MAP3K19: variants seen among roughly 807,000 people sequenced by gnomAD.
MAP3K19 encodes SPS1/STE20-related protein kinase YSK4.
MAP3K19 carries 91 observed loss-of-function variants against 114.4 expected under a neutral mutation model. That is an observed-to-expected ratio of 0.80 (90% CI 0.67 to 0.95). MAP3K19 has a LOEUF of 0.95. Among genes scored for constraint, MAP3K19 ranks in the 40% least tolerant of loss-of-function variants. MAP3K19 has a pLI of 0.00. For missense variants in MAP3K19, 1,471 were observed against 1,573.2 expected (o/e 0.94, Z 1.10); for synonymous variants, 518 against 530.5 (o/e 0.98, Z 0.32).
chr2:135,032,372 A>AAAAAG (rs765508585), intron 2 of MAP3K19, among the ~76,000 whole-genome samples: 1 of 145,348 alleles, frequency 6.9e-6, no homozygotes, highest in African/African-American at 2.6e-5. Context: ...AAAAAAAAAA[A>AAAAAG]AGAAAAGAAA....
At chr2:135,000,164 T>C (rs183495366) in intron 6 of MAP3K19, 149 bp from the exon 7 acceptor site, 2 of 618,592 alleles carry the variant, frequency 3.2e-6, no homozygotes, top group Middle Eastern at 2.7e-4. Context: ...CATCTTTGTA[T>C]CTTTCCTGTT....
chr2:135,042,884 C>A (rs780226875), intron 1 of MAP3K19, among the ~76,000 whole-genome samples: 2 of 152,084 alleles, frequency 1.3e-5, no homozygotes, highest in African/African-American at 4.8e-5. Context: ...GAGTTCAAGA[C>A]CAGCTGGGCC....
At chr2:135,011,482 A>C (rs1406577073) in intron 5 of MAP3K19, among the ~76,000 whole-genome samples, 1 of 148,546 alleles carries the variant, frequency 6.7e-6, no homozygotes, top group Non-Finnish European at 1.5e-5. Flanking sequence ...GCTTGCAGTG[A>C]GCCGAGATCG....
Position 134,986,135 on chromosome 2 carries a change from C to T in MAP3K19, c.2737G>A (p.Glu913Lys), listed in dbSNP as rs761864395. 4 of 1,613,938 alleles carry T rather than the reference C, an allele frequency of 2.5e-6. No homozygotes were observed. The South Asian group carries it at 4.4e-5, about 18-fold the overall frequency. Residue 913 changes from glutamate to lysine, a missense_variant, in exon 10 of 13, where the codon GAA (glutamate) becomes AAA (lysine). Coordinates refer to ENST00000392915, the MANE Select transcript of MAP3K19 (RefSeq NM_025052.5). ...LTNFSFQAKQ[E>K]SASSQTYQYW... ...TGATATGTCTGGGAAGATGCACTTT[C>T]TTGTTTTGCTTGGAAAGAGAAATTT...
intron 2 of MAP3K19, among the ~76,000 whole-genome samples, chr2:135,036,667 G>A: frequency 6.6e-6 from 1 of 150,376 alleles, no homozygotes; most frequent in South Asian, 2.1e-4. Context: ...GTGTGTGTGT[G>A]TGTGTGTGTG....
Position 134,999,452 on chromosome 2 carries a change from A to T in MAP3K19, c.315-455T>A, listed in dbSNP as rs921725627. 2.0e-5 allele frequency among the ~76,000 whole-genome samples: 3 copies of T among 152,250 alleles called. No homozygotes were observed. The highest frequency in any genetic ancestry group is 7.2e-5 in the African/African-American group (3 of 41,470). ...AAGAAAAATAAAAGACATGCAAAAA[A>T]TAAGCCTCAATTTGTTTCACTACCC... On this transcript the variant is annotated intron_variant, in intron 7 of 12. Coordinates refer to ENST00000392915, the MANE Select transcript of MAP3K19 (RefSeq NM_025052.5). This position sits in a 1 kb window ranked among gnomAD's most constrained non-coding sequence, Gnocchi z 4.1.
At chr2:135,017,996 T>C (rs1406930232) in intron 5 of MAP3K19, among the ~76,000 whole-genome samples, 1 of 152,184 alleles carries the variant, frequency 6.6e-6, no homozygotes, top group Admixed American at 6.5e-5. Flanking sequence ...CATCTTAGAA[T>C]TGATAGTAGT....
intron 11 of MAP3K19, chr2:134,983,074 T>C (rs1684817688): frequency 2.5e-6 from 1 of 399,114 alleles, no homozygotes; most frequent in Admixed American, 3.0e-5. Context: ...TTCAATCTTC[T>C]AGCTAATTGG....
At chr2:134,998,601 T>C (rs1686199274) in intron 8 of MAP3K19, 137 bp downstream of exon 8, 1 of 857,306 alleles carries the variant, frequency 1.2e-6, no homozygotes, top group African/African-American at 1.7e-5. Context: ...CCCCCAGGAA[T>C]GTAAATTACA....
chr2:135,039,198 A>G (rs1049913777), intron 2 of MAP3K19, among the ~76,000 whole-genome samples: 2 of 151,764 alleles, frequency 1.3e-5, no homozygotes, highest in African/African-American at 4.8e-5. Context: ...AAAGGAGTCA[A>G]AAAAGAAAAA....
At chr2:134,968,576 G>T (rs1336638814) in intron 12 of MAP3K19, among the ~76,000 whole-genome samples, 1 of 149,406 alleles carries the variant, frequency 6.7e-6, no homozygotes, top group African/African-American at 2.5e-5. Flanking sequence ...GGGCGGAGGG[G>T]CTCCTCACTT....
chr2:134,999,835 A>T lies in MAP3K19; in HGVS notation c.314+102T>A. ...ACTATTTATTGTGACCTCTACTTTT[A>T]AGCATTATTATGGATTCAATTACTA... On this transcript the variant is annotated intron_variant, in intron 7 of 12. Transcript: ENST00000392915. The surrounding 1 kb of genome is among the most constrained non-coding windows in gnomAD (Gnocchi z 4.1). 1.2e-6 allele frequency: 1 copy of T among 800,280 alleles called. No individual in the cohort carries two copies. Among genetic ancestry groups the T allele is most frequent in the East Asian group, 2.6e-5 (1 of 39,054 alleles). The allele number at this position is 800,280 out of a possible 1,614,324, so 49.6% of individuals were successfully genotyped here. A position where few individuals can be genotyped will look rare whatever the true frequency, so the allele number is the denominator to read the frequency against.
At chr2:135,046,078 CT>C (rs1688734794) in intron 1 of MAP3K19, among the ~76,000 whole-genome samples, 1 of 152,178 alleles carries the variant, frequency 6.6e-6, no homozygotes, top group African/African-American at 2.4e-5. Context: ...GTGCACAGCA[CT>C]ATGCCCCGCT....
chr2:135,009,118 A>AT (rs59038927), intron 5 of MAP3K19, among the ~76,000 whole-genome samples: 1,831 of 136,710 alleles, frequency 0.013, 53 homozygotes, highest in East Asian at 0.11. Context: ...TGCCTGGCTA[A>AT]TTTTTTTTTT....
At position 135,030,302 on chromosome 2, in the gene MAP3K19, A is replaced by G. The variant is rs949815577; in HGVS notation, c.-95+10T>C. 4 of 152,676 alleles carry G rather than the reference A, an allele frequency of 2.6e-5. No individual in the cohort carries two copies. The highest frequency in any genetic ancestry group is 9.6e-5 in the African/African-American group (4 of 41,472). The allele number at this position is 152,676 out of a possible 1,614,324, so 9.5% of individuals were successfully genotyped here. A position where few individuals can be genotyped will look rare whatever the true frequency, so the allele number is the denominator to read the frequency against. The stretch of plus-strand genomic sequence containing the variant: ...CACCCACCCAAAGACAGAAACAAAT[A>G]TCAACTAACCAGTAAATGTTGAACT... On this transcript the variant is annotated intron_variant, in intron 3 of 12. Transcript: ENST00000392915.
intron 9 of MAP3K19, among the ~76,000 whole-genome samples, chr2:134,991,028 T>C (rs1212659789): frequency 1.3e-5 from 2 of 151,662 alleles, no homozygotes; most frequent in African/African-American, 4.8e-5. Context: ...ACCCTGTCTC[T>C]AAACAAAACA....
intron 2 of MAP3K19, among the ~76,000 whole-genome samples, chr2:135,035,320 C>T (rs1176720842): frequency 6.6e-6 from 1 of 152,094 alleles, no homozygotes; most frequent in African/African-American, 2.4e-5. Flanking sequence ...TCACCTCAGC[C>T]CAGGAGGTAG....
At chr2:135,036,440 T>C (rs1301826218) in intron 2 of MAP3K19, among the ~76,000 whole-genome samples, 1 of 152,186 alleles carries the variant, frequency 6.6e-6, no homozygotes, top group Non-Finnish European at 1.5e-5. Context: ...TTAAGATAAA[T>C]AGATAATGAT....
chr2:134,979,773 C>A (rs966921270), intron 12 of MAP3K19, among the ~76,000 whole-genome samples: 1 of 150,704 alleles, frequency 6.6e-6, no homozygotes. Flanking sequence ...GAGTGGCATT[C>A]CTGCCCTGGC....
Sources: allele counts gnomAD v4.1 joint callset (sites outside exome capture counted in the v4.1 genomes callset), GRCh38; gene constraint gnomAD v4.1.1; non-coding constraint Gnocchi (gnomAD v3.1); transcripts MANE v1.5; gene names NCBI Gene and HGNC (gene_info 2026-07-23, HGNC 2026-07-21).